The following KSR2 variants were observed in gnomAD, a reference collection of about 807,000 sequenced individuals.
KSR2 encodes the protein kinase suppressor of ras 2.
A neutral mutation model predicts 107.8 loss-of-function variants in KSR2; 25 were observed. The observed-to-expected ratio is 0.23, with a 90% CI of 0.17 to 0.32. The LOEUF is 0.32. Among genes scored for constraint, KSR2 ranks in the 10% least tolerant of loss-of-function variants. The pLI, the probability that KSR2 is intolerant of heterozygous loss-of-function variation, is 1.00. For synonymous variants in KSR2, 480 were observed against 507.0 expected, an observed-to-expected ratio of 0.95 and a Z score of 0.71; for missense variants, 887 against 1,268.9, an observed-to-expected ratio of 0.70 and a Z score of 4.57.
At chr12:117,898,018 C>G (rs1894566483) in intron 1 of KSR2, among the ~76,000 whole-genome samples, 2 of 152,102 alleles carry the variant, frequency 1.3e-5, no homozygotes, top group African/African-American at 4.8e-5. Flanking sequence ...GACTTCCTGG[C>G]CAATTTCAAC....
At chr12:117,547,293 A>G (rs1448627670) in intron 9 of KSR2, among the ~76,000 whole-genome samples, 4 of 152,138 alleles carry the variant, frequency 2.6e-5, no homozygotes, top group Non-Finnish European at 4.4e-5. Flanking sequence ...CAGCTCCCCC[A>G]TAGACCTTTG....
intron 4 of KSR2, among the ~76,000 whole-genome samples, chr12:117,730,260 C>A (rs1379508047): frequency 1.3e-5 from 2 of 152,132 alleles, no homozygotes; most frequent in African/African-American, 4.8e-5. Context: ...TTATGTAATC[C>A]TCCATACCTC....
chr12:117,566,556 G>A (rs1387875759), intron 7 of KSR2, among the ~76,000 whole-genome samples: 2 of 152,194 alleles, frequency 1.3e-5, no homozygotes, highest in African/African-American at 4.8e-5. Flanking sequence ...TTCGTGCAAA[G>A]GACATGATCT....
chr12:117,514,544 C>CTCTCT (rs763553867), intron 14 of KSR2, among the ~76,000 whole-genome samples: 7 of 130,088 alleles, frequency 5.4e-5, no homozygotes, highest in Non-Finnish European at 9.8e-5. Context: ...CTCTCTCTCT[C>CTCTCT]TTTTTTTTTT....
rs1361416998 is a variant in KSR2 at position 117,897,103 on chromosome 12, G to T, written c.181-36672C>A. 1.3e-5 allele frequency among the ~76,000 whole-genome samples: 2 copies of T among 152,130 alleles called. No individual in the cohort carries two copies. Among genetic ancestry groups the T allele is most frequent in the African/African-American group, 4.8e-5 (2 of 41,434 alleles). On this transcript the variant is annotated intron_variant, in intron 1 of 19. Coordinates refer to ENST00000339824, the MANE Select transcript of KSR2 (RefSeq NM_173598.6). This position sits in a 1 kb window ranked among gnomAD's most constrained non-coding sequence, Gnocchi z 4.5. ...GTTCCTCTTCGCCCAAGTCTACCGG[G>T]ACTGATGTTCAGCTTGAGGGAGTAG...
chr12:117,737,782 CAAAAAAAAAAAA>C (rs10587288), intron 4 of KSR2, among the ~76,000 whole-genome samples: 4 of 84,068 alleles, frequency 4.8e-5, no homozygotes, highest in Admixed American at 1.4e-4. Context: ...AATCCTGTCT[CAAAAAAAAAAAA>C]AAAAAAAAAA....
chr12:117,585,066 G>T (rs775159193), intron 5 of KSR2, among the ~76,000 whole-genome samples: 1 of 152,218 alleles, frequency 6.6e-6, no homozygotes, highest in East Asian at 1.9e-4. Flanking sequence ...CTGTGTGTGT[G>T]TGTGCGTGTG....
At chr12:117,580,045 C>T (rs1879546039) in intron 6 of KSR2, among the ~76,000 whole-genome samples, 1 of 152,130 alleles carries the variant, frequency 6.6e-6, no homozygotes, top group Non-Finnish European at 1.5e-5. Context: ...TTTGTGTCAC[C>T]GTCAGCAGGA....
chr12:117,554,340 T>A (rs1276136360), intron 9 of KSR2, among the ~76,000 whole-genome samples: 1 of 152,140 alleles, frequency 6.6e-6, no homozygotes, highest in African/African-American at 2.4e-5. Context: ...TGCTCAGAGC[T>A]CAGGGCCCCC....
intron 4 of KSR2, among the ~76,000 whole-genome samples, chr12:117,677,468 C>T (rs773500563): frequency 6.6e-6 from 1 of 152,134 alleles, no homozygotes. Context: ...CAGGAGAAAC[C>T]AACCCTGCCA....
intron 4 of KSR2, among the ~76,000 whole-genome samples, chr12:117,719,786 A>G (rs1398643845): frequency 6.6e-6 from 1 of 152,232 alleles, no homozygotes; most frequent in Non-Finnish European, 1.5e-5. Flanking sequence ...CCAACAAGCA[A>G]TTACAAAGAA....
chr12:117,566,029 G>A, intron 7 of KSR2, among the ~76,000 whole-genome samples: 1 of 152,084 alleles, frequency 6.6e-6, no homozygotes, highest in East Asian at 1.9e-4. Flanking sequence ...CTCATGTCGT[G>A]CCACGGGGAT....
Position 117,883,875 on chromosome 12 carries a change from CAAAAAAAAA to C in KSR2, c.181-23453_181-23445del, listed in dbSNP as rs34939587. 5.5e-3 allele frequency among the ~76,000 whole-genome samples: 518 copies of C among 93,838 alleles called. 6 individuals are homozygous for C. The highest frequency in any genetic ancestry group is 0.021 in the African/African-American group (491 of 23,850). The allele number at this position is 93,838 out of a possible 152,430, so 61.6% of individuals were successfully genotyped here. A position where few individuals can be genotyped will look rare whatever the true frequency, so the allele number is the denominator to read the frequency against. On this transcript the variant is annotated intron_variant, in intron 1 of 19. Transcript: ENST00000339824. Reference sequence around the variant, plus strand: ...TGGGCGACAGAGCAAGTCTCCATCTCAAAAAAAAAAAAAAAAAAAGGAAATGAGGTCAAA... The same window carrying C: ...TGGGCGACAGAGCAAGTCTCCATCTCAAAAAAAAAAGGAAATGAGGTCAAA...
chr12:117,684,165 T>G (rs1885477472), intron 4 of KSR2, among the ~76,000 whole-genome samples: 1 of 152,156 alleles, frequency 6.6e-6, no homozygotes, highest in African/African-American at 2.4e-5. Flanking sequence ...CTAGTGTCTC[T>G]CCTTTCCTCA....
chr12:117,562,261 G>T (rs1283627884), intron 7 of KSR2, among the ~76,000 whole-genome samples: 1 of 151,730 alleles, frequency 6.6e-6, no homozygotes, highest in African/African-American at 2.4e-5. Flanking sequence ...GGGGACATGA[G>T]GAAGGGGAGG....
intron 4 of KSR2, among the ~76,000 whole-genome samples, chr12:117,678,532 T>C (rs1295874938): frequency 6.6e-6 from 1 of 152,076 alleles, no homozygotes; most frequent in Non-Finnish European, 1.5e-5. Context: ...GCAAAGGAGT[T>C]TTCCTCCAGG....
chr12:117,671,000 C>T (rs1304790416), intron 4 of KSR2, among the ~76,000 whole-genome samples: 1 of 152,208 alleles, frequency 6.6e-6, no homozygotes, highest in African/African-American at 2.4e-5. Context: ...GCTTTTCCAT[C>T]ACATGCTGGA....
At position 117,724,029 on chromosome 12, in the gene KSR2, G is replaced by A. The variant is rs191131911; in HGVS notation, c.986+36982C>T. ...GGGTTAAATATATATCTTTCGGGCT[G>A]GGCGTAGTGGCTCACGCCTGTAATC... On this transcript the variant is annotated intron_variant, in intron 4 of 19. Transcript: ENST00000339824. Among the ~76,000 whole-genome samples the A allele has an allele frequency of 1.6e-3, 243 of 152,058 alleles. 1 individual carries two copies. Among genetic ancestry groups the A allele is most frequent in the African/African-American group, 5.4e-3 (223 of 41,494 alleles).
intron 3 of KSR2, among the ~76,000 whole-genome samples, chr12:117,791,266 C>A (rs10774958): frequency 0.56 from 84,657 of 151,962 alleles, 24,686 homozygotes; most frequent in East Asian, 0.77. Flanking sequence ...CCTGTCACAC[C>A]GATCCTTAGC....
Sources: allele counts gnomAD v4.1 joint callset (sites outside exome capture counted in the v4.1 genomes callset), GRCh38; gene constraint gnomAD v4.1.1; non-coding constraint Gnocchi (gnomAD v3.1); transcripts MANE v1.5; gene names NCBI Gene and HGNC (gene_info 2026-07-23, HGNC 2026-07-21).